Variants in EPHA6 observed in about 807,000 individuals in gnomAD.
EPHA6 encodes the protein ephrin type-A receptor 6.
A neutral mutation model predicts 112.0 loss-of-function variants in EPHA6; 50 were observed. The observed-to-expected ratio is 0.45, with a 90% confidence interval of 0.36 to 0.56. The LOEUF (loss-of-function observed/expected upper bound fraction) is 0.56. EPHA6 is among the 20% of genes least tolerant of loss of function. The pLI is 0.00. For synonymous variants in EPHA6, 529 were observed against 490.7 expected, an observed-to-expected ratio of 1.08 and a Z score of -1.03; for missense variants, 1,280 against 1,417.4, an observed-to-expected ratio of 0.90 and a Z score of 1.56.
At chr3:97,332,055 C>T (rs2082827342) in intron 5 of EPHA6, among the ~76,000 whole-genome samples, 1 of 152,134 alleles carries the variant, frequency 6.6e-6, no homozygotes, top group African/African-American at 2.4e-5. Flanking sequence ...AAAGCTTATC[C>T]ACCATGATCA....
At chr3:97,682,337 A>C (rs932426838) in intron 14 of EPHA6, among the ~76,000 whole-genome samples, 10 of 152,122 alleles carry the variant, frequency 6.6e-5, no homozygotes, top group Non-Finnish European at 1.3e-4. Flanking sequence ...CATTTTTCAA[A>C]TCACCCTTGG....
chr3:97,362,342 TA>T (rs2084417076), intron 5 of EPHA6, among the ~76,000 whole-genome samples: 1 of 152,112 alleles, frequency 6.6e-6, no homozygotes, highest in Admixed American at 6.6e-5. Flanking sequence ...GGTTCTGTGA[TA>T]AAAATCACAA....
chr3:96,937,455 TTTG>T (rs1010314931), intron 2 of EPHA6, among the ~76,000 whole-genome samples: 2 of 132,678 alleles, frequency 1.5e-5, no homozygotes, highest in African/African-American at 7.8e-5. Flanking sequence ...GATGGGGTTG[TTTG>T]TTTTTTCTTG....
chr3:97,693,625 G>A (rs544343915), intron 14 of EPHA6, among the ~76,000 whole-genome samples: 1 of 152,164 alleles, frequency 6.6e-6, no homozygotes, highest in Admixed American at 6.5e-5. Context: ...GGCTAACACG[G>A]TGAAACCCCA....
At chr3:97,565,912 G>A (rs571335501) in intron 11 of EPHA6, among the ~76,000 whole-genome samples, 1 of 151,984 alleles carries the variant, frequency 6.6e-6, no homozygotes, top group South Asian at 2.1e-4. Flanking sequence ...AGCTACATGG[G>A]AGGCTGAGGC....
chr3:97,015,848 C>A (rs2044246554), intron 3 of EPHA6, among the ~76,000 whole-genome samples: 2 of 151,998 alleles, frequency 1.3e-5, no homozygotes, highest in South Asian at 4.1e-4. Context: ...AAATTAGAAA[C>A]AAAAACTTCA....
chr3:97,346,568 C>T (rs769891262), intron 5 of EPHA6, among the ~76,000 whole-genome samples: 1 of 152,086 alleles, frequency 6.6e-6, no homozygotes, highest in African/African-American at 2.4e-5. Context: ...CATCACATCC[C>T]CATTCCACTG....
intron 3 of EPHA6, among the ~76,000 whole-genome samples, chr3:97,219,636 G>A (rs541779806): frequency 4.6e-5 from 7 of 152,220 alleles, no homozygotes; most frequent in South Asian, 4.1e-4. Context: ...CCCAGCCCAC[G>A]AAACCTTTTT....
intron 1 of EPHA6, among the ~76,000 whole-genome samples, chr3:96,842,842 C>G (rs1359065966): frequency 6.6e-6 from 1 of 151,908 alleles, no homozygotes; most frequent in Non-Finnish European, 1.5e-5. Context: ...CTATTAACAC[C>G]TTGGATAGAA....
chr3:96,950,440 G>A (rs2041476567), intron 2 of EPHA6, among the ~76,000 whole-genome samples: 1 of 152,076 alleles, frequency 6.6e-6, no homozygotes, highest in African/African-American at 2.4e-5. Context: ...ATACTGAGTT[G>A]CATTTCTCTC....
At chr3:97,746,947 A>G (rs1002389480) in intron 16 of EPHA6, among the ~76,000 whole-genome samples, 2 of 151,980 alleles carry the variant, frequency 1.3e-5, no homozygotes, top group African/African-American at 4.8e-5. Flanking sequence ...TAAGAAGGAG[A>G]AGAACTATCA....
rs57565102 is a variant in EPHA6 at position 96,865,694 on chromosome 3, CAAAAAAAA to C, written c.386-1117_386-1110del. 3.9e-4 allele frequency among the ~76,000 whole-genome samples: 32 copies of C among 82,008 alleles called. No individual in the cohort carries two copies. The South Asian group carries it at 5.0e-3, about 13-fold the overall frequency. The allele number at this position is 82,008 out of a possible 152,430, so 53.8% of individuals were successfully genotyped here. On this transcript the variant is annotated intron_variant, in intron 1 of 17. Transcript: ENST00000389672. ...AAGACCTGTCTCTTTAAAAAACAAA[CAAAAAAAA>C]AAAAAAAAAAAAAGGAAAAAGAAAT...
intron 3 of EPHA6, among the ~76,000 whole-genome samples, chr3:97,208,868 C>T (rs571764882): frequency 1.3e-5 from 2 of 152,154 alleles, no homozygotes; most frequent in East Asian, 1.9e-4. Flanking sequence ...TAAATACAAA[C>T]ACATATTATG....
At chr3:96,882,156 G>A (rs985049092) in intron 2 of EPHA6, among the ~76,000 whole-genome samples, 1 of 152,148 alleles carries the variant, frequency 6.6e-6, no homozygotes, top group Non-Finnish European at 1.5e-5. Flanking sequence ...GGAACTCTGT[G>A]TGGAGGCTCT....
At chr3:97,187,873 A>C (rs1319965197) in intron 3 of EPHA6, among the ~76,000 whole-genome samples, 2 of 152,052 alleles carry the variant, frequency 1.3e-5, no homozygotes, top group African/African-American at 4.8e-5. Context: ...TTTGGGCAGG[A>C]AGTGATTAGG....
intron 15 of EPHA6, among the ~76,000 whole-genome samples, chr3:97,724,586 C>T (rs962961676): frequency 6.6e-6 from 1 of 151,900 alleles, no homozygotes; most frequent in African/African-American, 2.4e-5. Flanking sequence ...GGGAATATAG[C>T]GAGACCTTGT....
In EPHA6 at chr3:97,752,664, T is replaced by C. The variant is rs1276232010; in HGVS notation, c.*3963T>C. Among the ~76,000 whole-genome samples, 1 of 152,132 alleles carries C rather than the reference T, an allele frequency of 6.6e-6. No individual in the cohort carries two copies. The highest frequency in any genetic ancestry group is 1.5e-5 in the Non-Finnish European group (1 of 67,980). ...GTTCTATCACATAATTGAGAACATTTGTACTCACAGAGGATATGGGTTCTG... is the reference window on the plus strand; with the variant it reads ...GTTCTATCACATAATTGAGAACATTCGTACTCACAGAGGATATGGGTTCTG... On this transcript the variant is annotated 3_prime_UTR_variant, in exon 18 of 18. Transcript: ENST00000389672.
intron 3 of EPHA6, among the ~76,000 whole-genome samples, chr3:97,141,338 G>A (rs1211469560): frequency 6.6e-6 from 1 of 152,072 alleles, no homozygotes; most frequent in Non-Finnish European, 1.5e-5. Flanking sequence ...GGATTTAATA[G>A]ACATTTATAG....
intron 2 of EPHA6, among the ~76,000 whole-genome samples, chr3:96,936,361 TA>T (rs1294969898): frequency 1.3e-5 from 2 of 151,876 alleles, no homozygotes; most frequent in Non-Finnish European, 2.9e-5. Flanking sequence ...ATTAGGTAAT[TA>T]AAAAAGTCAT....
Sources: allele counts gnomAD v4.1 joint callset (sites outside exome capture counted in the v4.1 genomes callset), GRCh38; gene constraint gnomAD v4.1.1; transcripts MANE v1.5; gene names NCBI Gene and HGNC (gene_info 2026-07-23, HGNC 2026-07-21).